PHYKPL: variants seen among roughly 807,000 people sequenced by gnomAD.
The protein encoded by PHYKPL is 5-phosphohydroxy-L-lysine phospho-lyase.
A neutral mutation model predicts 51.3 loss-of-function variants in PHYKPL; 42 were observed. The ratio of observed to expected loss-of-function variants is 0.82; its 90% CI spans 0.64 to 1.06. The LOEUF (loss-of-function observed/expected upper bound fraction) is 1.06, where lower values mean the gene tolerates loss of function less well. PHYKPL is among the 50% of genes least tolerant of loss of function. The probability of loss-of-function intolerance (pLI) is 0.00; values close to 1 mark genes in which losing one functional copy is unlikely to be tolerated. For missense variants in PHYKPL, 655 were observed against 586.6 expected (o/e 1.12, Z -1.20); for synonymous variants, 264 against 236.0 (o/e 1.12, Z -1.09).
chr5:178,215,756 C>T (rs1759645940), intron 8 of PHYKPL: 3 of 272,138 alleles, frequency 1.1e-5, no homozygotes, highest in Admixed American at 5.2e-5. Context: ...TTTAAGGCCC[C>T]ATCTCCTGGG....
At chr5:178,211,679 A>T (rs1048136396) in intron 12 of PHYKPL, 2 of 550,570 alleles carry the variant, frequency 3.6e-6, no homozygotes, top group Non-Finnish European at 6.5e-6. Flanking sequence ...ACAGCCCCAT[A>T]GGTTTCAAGG....
rs535248622 is a variant in PHYKPL at position 178,223,943 on chromosome 5, G to A, written c.618+505C>T. On this transcript the variant is annotated intron_variant, in intron 6 of 12. Coordinates refer to ENST00000308158, the MANE Select transcript of PHYKPL (RefSeq NM_153373.4). ...CGCATTCCAATCCATCCTCCACATAGCCCTGGAGTCAGAGAGCAGCCCCGG... is the reference window on the plus strand; with the variant it reads ...CGCATTCCAATCCATCCTCCACATAACCCTGGAGTCAGAGAGCAGCCCCGG... 12 of 192,386 alleles carry A rather than the reference G, an allele frequency of 6.2e-5. No individual in the cohort carries two copies. The South Asian group carries it at 1.1e-3, about 18-fold the overall frequency. 11.9% of individuals were successfully genotyped at this position (192,386 alleles called of 1,614,324 possible). A position where few individuals can be genotyped will look rare whatever the true frequency, so the allele number is the denominator to read the frequency against.
rs144365828 is a variant in PHYKPL, at chr5:178,230,015, T to C, written c.263A>G (p.Asn88Ser). 9.3e-6 allele frequency: 15 copies of C among 1,614,106 alleles called. No homozygotes were observed. The highest frequency in any genetic ancestry group is 1.2e-5 in the Non-Finnish European group (14 of 1,180,048). The change falls in exon 3 of 13, where the codon AAC (asparagine) becomes AGC (serine). Residue 88 changes from asparagine to serine, a missense_variant. Transcript: ENST00000308158. ...CAGCCTCTGCGCATAGTCCACGATG[T>C]TGTCATGCAGGTACCGGCTGTTGGT... ...LNTNSRYLHD[N>S]IVDYAQRLSE...
In PHYKPL at chr5:178,211,933, C is replaced by A; in HGVS notation, c.1341G>T (p.Arg447Ser). The stretch of plus-strand genomic sequence containing the variant: ...GAGCAGGGCTGGCTTAGGGCTGGAG[C>A]CTCAGCGTTTCACAACTTCTCACCT... ...EEKVRSCETL[R>S]LQP Residue 447 changes from arginine to serine, a missense_variant, in exon 12 of 13, where the codon AGG (arginine) becomes AGT (serine). Arg to Ser is a moderately radical substitution (Grantham distance 110, BLOSUM62 -1). Transcript: ENST00000308158. The A allele has an allele frequency of 1.2e-6, 2 of 1,614,198 alleles. No homozygotes were observed. The highest frequency in any genetic ancestry group is 1.7e-6 in the Non-Finnish European group (2 of 1,180,026).
At chr5:178,218,090 G>C (rs1391424427) in intron 8 of PHYKPL, among the ~76,000 whole-genome samples, 1 of 112,568 alleles carries the variant, frequency 8.9e-6, no homozygotes, top group African/African-American at 3.9e-5. Context: ...GGTAGCGGGC[G>C]CCTGTAGTCC....
rs550102376 is a variant in PHYKPL, at chr5:178,227,753, G to A, written c.338+2187C>T. Among the ~76,000 whole-genome samples the A allele has an allele frequency of 5.9e-5, 9 of 152,314 alleles. No homozygotes were observed. In the South Asian group the frequency reaches 1.2e-3, roughly 21 times the overall value. On this transcript the variant is annotated intron_variant, in intron 3 of 12. Transcript: ENST00000308158. ...CTCCTATTTTAGGAGGTGGCCTCTG[G>A]CTGTGTCTAATGGAGTTGACAAGAA...
intron 12 of PHYKPL, chr5:178,209,445 G>A (rs71611420): frequency 6.2e-7 from 1 of 1,613,312 alleles, no homozygotes; most frequent in East Asian, 2.2e-5. Context: ...GGTGGAGGTG[G>A]AGGTGAGTGG....
Position 178,212,984 on chromosome 5 carries a change from G to A in PHYKPL, c.1292C>T (p.Ala431Val), listed in dbSNP as rs1466136518. Residue 431 changes from alanine to valine, a missense_variant, in exon 11 of 13, where the codon GCC becomes GTC. By Grantham distance (64) the Ala-to-Val change is moderately conservative. Coordinates refer to ENST00000308158, the MANE Select transcript of PHYKPL (RefSeq NM_153373.4). The stretch of plus-strand genomic sequence containing the variant: ...GGCTTCAAGCTCACCAGTCAGAATG[G>A]CATCCAGCTTTGCCACCACCTGCCG... ...NARQVVAKLD[A>V]ILTDMEEKVR... 1.9e-6 allele frequency: 3 copies of A among 1,614,044 alleles called. No individual in the cohort carries two copies. The South Asian group carries it at 3.3e-5, about 18-fold the overall frequency.
intron 3 of PHYKPL, among the ~76,000 whole-genome samples, chr5:178,227,530 G>A (rs1176648839): frequency 1.3e-5 from 2 of 152,184 alleles, no homozygotes; most frequent in Non-Finnish European, 2.9e-5. Context: ...CCAAGGCCTT[G>A]TGAAGGAAAA....
At chr5:178,232,242 G>A in intron 1 of PHYKPL, 1 of 1,241,164 alleles carries the variant, frequency 8.1e-7, no homozygotes, top group Non-Finnish European at 1.0e-6. Flanking sequence ...GCCGTCTCCT[G>A]AACTGGGCGG....
At chr5:178,215,553 A>C in intron 8 of PHYKPL, 123 bp from the exon 9 acceptor site, 1 of 1,198,534 alleles carries the variant, frequency 8.3e-7, no homozygotes, top group Non-Finnish European at 1.1e-6. Flanking sequence ...GAGGCCCCAA[A>C]CCCCTTAGGG....
intron 1 of PHYKPL, 81 bp from the exon 2 acceptor site, chr5:178,231,604 C>G (rs1763430490): frequency 6.2e-7 from 1 of 1,603,598 alleles, no homozygotes; most frequent in Non-Finnish European, 8.5e-7. Flanking sequence ...CCCCGCCCAC[C>G]CCTTCCCAGT....
rs748557865 is a variant in PHYKPL, at chr5:178,209,437, T to A, written c.*32-522A>T. Reference sequence around the variant, plus strand: ...GGAACCGAGGCAGCGGAGGTGGTGGTGGAGGTGGAGGTGAGTGGAACGTGG... The same window carrying A: ...GGAACCGAGGCAGCGGAGGTGGTGGAGGAGGTGGAGGTGAGTGGAACGTGG... On this transcript the variant is annotated intron_variant, in intron 12 of 12. Transcript: ENST00000308158. The A allele has an allele frequency of 2.5e-6, 4 of 1,613,168 alleles. No homozygotes were observed. The African/African-American group carries it at 4.0e-5, about 16-fold the overall frequency.
At chr5:178,219,607 G>A (rs941644096) in intron 8 of PHYKPL, among the ~76,000 whole-genome samples, 28 of 151,864 alleles carry the variant, frequency 1.8e-4, no homozygotes, top group African/African-American at 6.8e-4. Flanking sequence ...CCGCCACCAC[G>A]CCCGGCTAAT....
downstream of PHYKPL, among the ~76,000 whole-genome samples, chr5:178,207,868 CAT>C (rs1195259275): frequency 6.6e-6 from 1 of 151,920 alleles, no homozygotes; most frequent in Non-Finnish European, 1.5e-5. Context: ...ATGCCTGGCT[CAT>C]ATGTTTTTTT....
In PHYKPL at chr5:178,230,066, G is replaced by A; in HGVS notation, c.212C>T (p.Ala71Val). ...GHCHPLVVQA[A>V]HEQNQVLNTN... The stretch of plus-strand genomic sequence containing the variant: ...GTTGAGCACCTGGTTCTGCTCATGT[G>A]CTGCTTGGACCACGAGAGGGTGGCA... The change falls in exon 3 of 13, where the codon GCA (alanine) becomes GTA (valine). Residue 71 changes from alanine (A) to valine (V), a missense_variant. By Grantham distance (64) the Ala-to-Val change is moderately conservative. Coordinates refer to ENST00000308158, the MANE Select transcript of PHYKPL (RefSeq NM_153373.4). The A allele has an allele frequency of 6.2e-7, 1 of 1,614,144 alleles. No individual in the cohort carries two copies. The highest frequency in any genetic ancestry group is 8.5e-7 in the Non-Finnish European group (1 of 1,180,030).
intron 10 of PHYKPL, among the ~76,000 whole-genome samples, chr5:178,213,434 T>C (rs1369493141): frequency 6.6e-6 from 1 of 152,214 alleles, no homozygotes; most frequent in African/African-American, 2.4e-5. Context: ...GTTTTCTGTG[T>C]GGTTTACGTG....
chr5:178,225,912 G>GC (rs1421327642), intron 3 of PHYKPL: 3 of 162,812 alleles, frequency 1.8e-5, no homozygotes, highest in Non-Finnish European at 4.1e-5. Flanking sequence ...CTGCCCCACA[G>GC]CCCCCTGGGC....
intron 4 of PHYKPL, chr5:178,224,994 C>A: frequency 1.8e-6 from 1 of 566,680 alleles, no homozygotes; most frequent in South Asian, 2.3e-5. Flanking sequence ...GGATTTCCTC[C>A]TTCTGGTTTA....
Sources: gnomAD v4.1 joint callset for allele counts (sites outside exome capture counted in the v4.1 genomes callset) on GRCh38, gnomAD v4.1.1 for gene constraint, MANE v1.5 for transcripts, NCBI Gene and HGNC (gene_info 2026-07-23, HGNC 2026-07-21) for gene names.